The following CHCHD6 variants were observed in gnomAD, a reference collection of about 807,000 sequenced individuals.
CHCHD6 encodes coiled-coil-helix-coiled-coil-helix domain containing 6, also known as MICOS complex subunit MIC25.
A neutral mutation model predicts 32.3 loss-of-function variants in CHCHD6; 28 were observed. That is an observed-to-expected ratio of 0.87 (90% CI 0.64 to 1.19). CHCHD6 has a LOEUF of 1.19. CHCHD6 is among the 50% of genes most tolerant of loss of function. The pLI, the probability that CHCHD6 is intolerant of heterozygous loss-of-function variation, is 0.00. For missense variants in CHCHD6, 333 were observed against 307.0 expected (o/e 1.08, Z -0.63); for synonymous variants, 122 against 117.5 (o/e 1.04, Z -0.25).
At chr3:126,936,026 G>A (rs923709983) in intron 6 of CHCHD6, among the ~76,000 whole-genome samples, 3 of 152,250 alleles carry the variant, frequency 2.0e-5, no homozygotes, top group African/African-American at 7.2e-5. Context: ...CCTATGGAAT[G>A]TACATATGTA....
At chr3:126,743,571 C>G (rs987165539) in intron 4 of CHCHD6, among the ~76,000 whole-genome samples, 2 of 152,144 alleles carry the variant, frequency 1.3e-5, no homozygotes, top group African/African-American at 4.8e-5. Context: ...AGGCTGACAG[C>G]TGGGGCTGGG....
intron 5 of CHCHD6, among the ~76,000 whole-genome samples, chr3:126,863,978 C>T (rs1942115205): frequency 2.0e-5 from 3 of 150,504 alleles, no homozygotes; most frequent in Admixed American, 1.3e-4. Context: ...ACCACCTCCT[C>T]CTCCTCCACC....
At chr3:126,870,002 T>A (rs1047251608) in intron 5 of CHCHD6, among the ~76,000 whole-genome samples, 1 of 152,222 alleles carries the variant, frequency 6.6e-6, no homozygotes, top group African/African-American at 2.4e-5. Context: ...TGGCGATGGC[T>A]TAGCTGCTGA....
chr3:126,917,596 T>C (rs2078190049), intron 6 of CHCHD6, among the ~76,000 whole-genome samples: 1 of 152,224 alleles, frequency 6.6e-6, no homozygotes, highest in Admixed American at 6.5e-5. Flanking sequence ...AAAGTAGACC[T>C]AGGATGTCAA....
intron 1 of CHCHD6, among the ~76,000 whole-genome samples, chr3:126,719,455 T>C (rs1320555399): frequency 1.3e-5 from 2 of 152,214 alleles, no homozygotes; most frequent in African/African-American, 2.4e-5. Flanking sequence ...CACCAATCAC[T>C]AGTGCACCCC....
intron 5 of CHCHD6, among the ~76,000 whole-genome samples, chr3:126,884,344 A>G (rs2077651881): frequency 6.6e-6 from 1 of 152,188 alleles, no homozygotes; most frequent in African/African-American, 2.4e-5. Flanking sequence ...TTCAGCAAGA[A>G]CCATTTGTGT....
intron 4 of CHCHD6, among the ~76,000 whole-genome samples, chr3:126,749,020 G>A (rs1009227873): frequency 2.0e-5 from 3 of 152,198 alleles, no homozygotes; most frequent in African/African-American, 7.2e-5. Flanking sequence ...TGTGAGCCGC[G>A]ACCTAGAGGG....
intron 5 of CHCHD6, among the ~76,000 whole-genome samples, chr3:126,861,095 T>C (rs1272720162): frequency 6.6e-6 from 1 of 152,172 alleles, no homozygotes; most frequent in African/African-American, 2.4e-5. Context: ...CATTTCCGTT[T>C]ATGTAATAAA....
At chr3:126,876,130 A>G (rs779773700) in intron 5 of CHCHD6, among the ~76,000 whole-genome samples, 6 of 152,268 alleles carry the variant, frequency 3.9e-5, no homozygotes, top group Non-Finnish European at 7.3e-5. Context: ...GTGTCAGCTC[A>G]TATAGCCTGC....
chr3:126,932,504 T>A (rs1478282347), intron 6 of CHCHD6, among the ~76,000 whole-genome samples: 1 of 152,200 alleles, frequency 6.6e-6, no homozygotes, highest in Non-Finnish European at 1.5e-5. Context: ...TGTTACTTTT[T>A]CCTCTGGTGA....
intron 4 of CHCHD6, among the ~76,000 whole-genome samples, chr3:126,784,642 T>C (rs1938111787): frequency 1.3e-5 from 2 of 151,734 alleles, no homozygotes; most frequent in South Asian, 2.3e-4. Context: ...ACAGAAACTT[T>C]TCACACCTTT....
At chr3:126,730,689 C>T in intron 3 of CHCHD6, 59 bp downstream of exon 3, 1 of 1,418,166 alleles carries the variant, frequency 7.1e-7, no homozygotes, top group Non-Finnish European at 9.9e-7. Context: ...CCTCTTTCCT[C>T]ACTGGGTACC....
In CHCHD6 at chr3:126,732,450, C is replaced by T. The variant is rs951485027; in HGVS notation, c.267-628C>T. On this transcript the variant is annotated intron_variant, in intron 3 of 7. Coordinates refer to ENST00000290913, the MANE Select transcript of CHCHD6 (RefSeq NM_032343.3). ...ATTGGTTCTCAGTTTTTAGATTCAA[C>T]CTACAGACAAATGAAAGACTATTTT... Among the ~76,000 whole-genome samples the T allele has an allele frequency of 3.3e-5, 5 of 152,270 alleles. 1 individual carries two copies. In the South Asian group the frequency reaches 6.2e-4, roughly 19 times the overall value.
At chr3:126,936,066 G>T (rs115137208) in intron 6 of CHCHD6, among the ~76,000 whole-genome samples, 2 of 152,188 alleles carry the variant, frequency 1.3e-5, no homozygotes, top group African/African-American at 4.8e-5. Flanking sequence ...ATTATACAGG[G>T]CATCCCCAAA....
chr3:126,916,445 T>A (rs1444723034), intron 6 of CHCHD6, among the ~76,000 whole-genome samples: 3 of 149,710 alleles, frequency 2.0e-5, no homozygotes, highest in Non-Finnish European at 4.4e-5. Context: ...AAATTTCAAG[T>A]CCTACAGCAA....
At chr3:126,937,700 A>G (rs1266791135) in intron 6 of CHCHD6, among the ~76,000 whole-genome samples, 1 of 152,166 alleles carries the variant, frequency 6.6e-6, no homozygotes, top group Non-Finnish European at 1.5e-5. Flanking sequence ...GTGGTCCCTC[A>G]TCAGAGCCTG....
chr3:126,887,694 G>A (rs2077697389), intron 5 of CHCHD6, among the ~76,000 whole-genome samples: 1 of 152,146 alleles, frequency 6.6e-6, no homozygotes, highest in Non-Finnish European at 1.5e-5. Flanking sequence ...CAAAACATAA[G>A]TGATGTCCCC....
chr3:126,854,102 A>C (rs1226718249), intron 5 of CHCHD6, among the ~76,000 whole-genome samples: 1 of 152,096 alleles, frequency 6.6e-6, no homozygotes, highest in Non-Finnish European at 1.5e-5. Context: ...TCCTCTTGTC[A>C]TTCTCCCCTC....
chr3:126,907,541 C>G (rs1327772155), intron 5 of CHCHD6, among the ~76,000 whole-genome samples: 2 of 152,134 alleles, frequency 1.3e-5, no homozygotes, highest in African/African-American at 4.8e-5. Flanking sequence ...TCTCCAAATC[C>G]TGAATATGTT....
Sources: gnomAD v4.1 joint callset for allele counts (sites outside exome capture counted in the v4.1 genomes callset) on GRCh38, gnomAD v4.1.1 for gene constraint, MANE v1.5 for transcripts, NCBI Gene and HGNC (gene_info 2026-07-23, HGNC 2026-07-21) for gene names.